The following SMARCC2 variants were observed in gnomAD, a reference collection of about 807,000 sequenced individuals.
The protein encoded by SMARCC2 is SWI/SNF related BAF chromatin remodeling complex subunit C2, also known as SWI/SNF complex subunit SMARCC2.
In SMARCC2, 15 loss-of-function variants were observed where a neutral mutation model predicts 151.3. That is an observed-to-expected ratio of 0.10 (90% CI 0.07 to 0.15). The LOEUF is 0.15. Ranked by LOEUF, SMARCC2 falls within the 10% of genes least tolerant of loss-of-function variation. The pLI, the probability that SMARCC2 is intolerant of heterozygous loss-of-function variation, is 1.00. For synonymous variants in SMARCC2, 590 were observed against 609.5 expected (o/e 0.97, Z 0.47); for missense variants, 1,031 against 1,599.7 (o/e 0.64, Z 6.06).
intron 11 of SMARCC2, among the ~76,000 whole-genome samples, chr12:56,179,827 C>T (rs1326637335): frequency 1.3e-5 from 2 of 152,094 alleles, no homozygotes; most frequent in Non-Finnish European, 2.9e-5. Context: ...GCTAGGATTA[C>T]AGGCGCCCAC....
At chr12:56,183,778 A>C in intron 7 of SMARCC2, 83 bp downstream of exon 7, 1 of 838,398 alleles carries the variant, frequency 1.2e-6, no homozygotes. Flanking sequence ...ACTCTGAAAG[A>C]GTGGCCTCTT....
At chr12:56,169,502 C>T in intron 25 of SMARCC2, 27 bp downstream of exon 25, 3 of 1,610,526 alleles carry the variant, frequency 1.9e-6, no homozygotes, top group Non-Finnish European at 2.5e-6. Flanking sequence ...CATTTTCTTC[C>T]CTGAGGTCTT....
chr12:56,163,852 A>G (rs1330640121), intron 28 of SMARCC2, 87 bp from the exon 29 acceptor site: 5 of 869,898 alleles, frequency 5.7e-6, no homozygotes, highest in Non-Finnish European at 6.8e-6. Flanking sequence ...AGAACCGGGC[A>G]TGGCATGCAG....
chr12:56,168,365 G>A (rs895789999), intron 25 of SMARCC2, among the ~76,000 whole-genome samples, 171 bp from the exon 26 acceptor site: 2 of 151,622 alleles, frequency 1.3e-5, no homozygotes, highest in Non-Finnish European at 2.9e-5. Context: ...GAGCCACCGT[G>A]TCTTTTTTCT....
chr12:56,182,722 G>A (rs1331167440), intron 7 of SMARCC2, among the ~76,000 whole-genome samples: 1 of 149,808 alleles, frequency 6.7e-6, no homozygotes, highest in Non-Finnish European at 1.5e-5. Context: ...TTCCCAAAGT[G>A]CTAGTATTAT....
intron 15 of SMARCC2, among the ~76,000 whole-genome samples, chr12:56,177,355 C>A (rs1479538133): frequency 6.6e-6 from 1 of 152,182 alleles, no homozygotes; most frequent in Non-Finnish European, 1.5e-5. Flanking sequence ...AGCAATCTTC[C>A]CATTTCAGCT....
In SMARCC2 at chr12:56,189,347, G is replaced by C. The variant is rs1435431683; in HGVS notation, c.111+4C>G. 24 of 1,495,082 alleles carry C rather than the reference G, an allele frequency of 1.6e-5. No individual in the cohort carries two copies. Among genetic ancestry groups the C allele is most frequent in the Admixed American group, 4.0e-5 (2 of 50,394 alleles). 92.6% of individuals were successfully genotyped at this position (1,495,082 alleles called of 1,614,324 possible). A position where few individuals can be genotyped will look rare whatever the true frequency, so the allele number is the denominator to read the frequency against. ...CCCCGCGCGGCCCGGCCCGGCCCGC[G>C]TACCTTCTTGTAGTTCTTGCCGAGC... On this transcript the variant is annotated splice_donor_region_variant and intron_variant, in intron 1 of 28. Transcript: ENST00000550164.
intron 8 of SMARCC2, 72 bp from the exon 9 acceptor site, chr12:56,181,907 A>C: frequency 6.2e-7 from 1 of 1,604,236 alleles, no homozygotes; most frequent in Non-Finnish European, 8.5e-7. Flanking sequence ...CCCTTAACAG[A>C]AAAAGCTCAA....
In SMARCC2 at chr12:56,163,706, CA is replaced by C. The variant is rs1338450722; in HGVS notation, c.3720del (p.Val1241CysfsTer73). The C allele has an allele frequency of 6.7e-7, 1 of 1,503,412 alleles. No individual in the cohort carries two copies. The highest frequency in any genetic ancestry group is 8.8e-7 in the Non-Finnish European group (1 of 1,133,728). 93.1% of individuals were successfully genotyped at this position (1,503,412 alleles called of 1,614,324 possible). On this transcript the variant is annotated frameshift_variant, in exon 29 of 29. Transcript: ENST00000550164. LOFTEE classifies it high-confidence loss of function. Reference sequence around the variant, plus strand: ...CTGGCTCCTCACTGTGGAGGTGGCACAGGGGTGACCGTGCCTGGGCTCGGGG... The same window carrying C: ...CTGGCTCCTCACTGTGGAGGTGGCACGGGGTGACCGTGCCTGGGCTCGGGG... The part of the protein sequence containing the change: ...PTAPSPGTVT[P>X]VPPPQ
Position 56,164,668 on chromosome 12 carries a change from C to G in SMARCC2, c.3296G>C (p.Ser1099Thr). The G allele has an allele frequency of 6.2e-7, 1 of 1,612,154 alleles. No homozygotes were observed. The highest frequency in any genetic ancestry group is 8.5e-7 in the Non-Finnish European group (1 of 1,179,154). Residue 1099 changes from serine to threonine, a missense_variant, in exon 28 of 29, where the codon AGC becomes ACC. This residue lies in a region of SMARCC2 where 310 missense variants were observed against 350.0 expected (regional missense o/e 0.89). Coordinates refer to ENST00000550164, the MANE Select transcript of SMARCC2 (RefSeq NM_001330288.2). ...PSMMPGAVPG[S>T]GHPGVAGNAP... Reference sequence around the variant, plus strand: ...ATTACCCGCCACGCCTGGGTGCCCGCTGCCTGGCACTGCCCCTGGCATCAT... The same window carrying G: ...ATTACCCGCCACGCCTGGGTGCCCGGTGCCTGGCACTGCCCCTGGCATCAT...
At chr12:56,168,300 T>A in intron 25 of SMARCC2, 106 bp from the exon 26 acceptor site, 1 of 1,298,210 alleles carries the variant, frequency 7.7e-7, no homozygotes, top group Non-Finnish European at 1.1e-6. Flanking sequence ...AAATTTGCTG[T>A]GGTCACAACC....
In SMARCC2 at chr12:56,174,084, A is replaced by C. The variant is rs184327793; in HGVS notation, c.1497-235T>G. ...CCTGGGCCAATCTCTATATCTACCT[A>C]CCTACCGAACATTTCTTCCTGAATA... On this transcript the variant is annotated intron_variant, in intron 16 of 28. Coordinates refer to ENST00000550164, the MANE Select transcript of SMARCC2 (RefSeq NM_001330288.2). Among the ~76,000 whole-genome samples, 26 of 152,212 alleles carry C rather than the reference A, an allele frequency of 1.7e-4. 1 individual carries two copies. Among genetic ancestry groups the C allele is most frequent in the East Asian group, 1.4e-3 (7 of 5,176 alleles).
At chr12:56,167,953 C>CAA (rs1235125673) in intron 26 of SMARCC2, 107 bp downstream of exon 26, 24 of 91,560 alleles carry the variant, frequency 2.6e-4, no homozygotes, top group Non-Finnish European at 4.1e-4. Context: ...TTCACTGAAA[C>CAA]ACACACACAC....
chr12:56,176,252 A>G (rs1874945010), intron 15 of SMARCC2, among the ~76,000 whole-genome samples: 1 of 152,096 alleles, frequency 6.6e-6, no homozygotes, highest in African/African-American at 2.4e-5. Flanking sequence ...CTTTCTTTTC[A>G]CACATACTGC....
chr12:56,173,217 T>A lies in SMARCC2; in HGVS notation c.1651-188A>T, dbSNP rs560458696. 2.6e-5 allele frequency among the ~76,000 whole-genome samples: 4 copies of A among 152,314 alleles called. No homozygotes were observed. In the South Asian group the frequency reaches 8.3e-4, roughly 32 times the overall value. On this transcript the variant is annotated intron_variant, in intron 17 of 28. Transcript: ENST00000550164. The stretch of plus-strand genomic sequence containing the variant: ...TATCCATACATATTCACATTATCTT[T>A]ATAGGTTCTCTTAGGAGCTGGACAA...
chr12:56,167,983 C>CACAT (rs1873157377), intron 26 of SMARCC2, 77 bp downstream of exon 26: 1 of 1,424,622 alleles, frequency 7.0e-7, no homozygotes, highest in Admixed American at 1.7e-5. Flanking sequence ...CACACACACA[C>CACAT]ACACACACAC....
chr12:56,181,932 C>T (rs1311961839), intron 8 of SMARCC2, 72 bp downstream of exon 8: 1 of 1,588,462 alleles, frequency 6.3e-7, no homozygotes, highest in African/African-American at 1.3e-5. Flanking sequence ...ATACAAGCCT[C>T]TGTTTCACTT....
chr12:56,173,697 T>G lies in SMARCC2; in HGVS notation c.1649A>C (p.Gln550Pro). The change falls in exon 17 of 29, where the codon CAG becomes CCG. Residue 550 changes from glutamine (Q) to proline (P), a missense_variant and splice_region_variant. By Grantham distance (76) the Gln-to-Pro change is moderately conservative. This residue lies in a region of SMARCC2 where 99 missense variants were observed against 148.3 expected (regional missense o/e 0.67). Coordinates refer to ENST00000550164, the MANE Select transcript of SMARCC2 (RefSeq NM_001330288.2). ...GLVPLQPKTP[Q>P]GRQVDADTKA... ...CATCCCCATAGCACCTCACCCTACC[T>G]GAGGTGTCTTGGGCTGCAGAGGCAC... 1 of 1,588,854 alleles carries G rather than the reference T, an allele frequency of 6.3e-7. No individual in the cohort carries two copies. The highest frequency in any genetic ancestry group is 8.6e-7 in the Non-Finnish European group (1 of 1,163,166).
chr12:56,186,827 A>C (rs1041902474), intron 2 of SMARCC2: 1 of 196,626 alleles, frequency 5.1e-6, no homozygotes, highest in African/African-American at 2.4e-5. Flanking sequence ...AGATGAAGGA[A>C]CCAAGACTCA....
Sources: gnomAD v4.1 joint callset for allele counts (sites outside exome capture counted in the v4.1 genomes callset) on GRCh38, gnomAD v4.1.1 for gene constraint, gnomAD v4.1.1 regional missense constraint, MANE v1.5 for transcripts, NCBI Gene and HGNC (gene_info 2026-07-23, HGNC 2026-07-21) for gene names.